Variants in GFRAL observed in about 807,000 individuals in gnomAD.
GFRAL encodes the protein GDNF family receptor alpha-like.
Under a neutral mutation model 45.4 loss-of-function variants are expected in GFRAL, and 36 were observed. That is an observed-to-expected ratio of 0.79 (90% CI 0.61 to 1.05). The LOEUF (loss-of-function observed/expected upper bound fraction) is 1.05, where lower values mean the gene tolerates loss of function less well. GFRAL is among the 50% of genes least tolerant of loss of function. GFRAL has a pLI of 0.00. For synonymous variants in GFRAL, 166 were observed against 154.1 expected (o/e 1.08, Z -0.57); for missense variants, 507 against 467.5 (o/e 1.08, Z -0.78).
At chr6:55,388,384 C>T (rs1238614041) in intron 6 of GFRAL, among the ~76,000 whole-genome samples, 2 of 152,292 alleles carry the variant, frequency 1.3e-5, no homozygotes, top group Non-Finnish European at 2.9e-5. Context: ...TGATACACTG[C>T]TGTGCGTCAC....
At chr6:55,394,415 G>A (rs1286828560) in intron 6 of GFRAL, among the ~76,000 whole-genome samples, 1 of 152,232 alleles carries the variant, frequency 6.6e-6, no homozygotes, top group African/African-American at 2.4e-5. Context: ...GTTGAAGACA[G>A]CAGAAGAAGC....
chr6:55,377,422 G>A lies in GFRAL; in HGVS notation c.952+18284G>A, dbSNP rs182593230. 1.1e-3 allele frequency among the ~76,000 whole-genome samples: 172 copies of A among 152,110 alleles called. 2 individuals are homozygous for A. Among genetic ancestry groups the A allele is most frequent in the African/African-American group, 4.0e-3 (167 of 41,532 alleles). On this transcript the variant is annotated intron_variant, in intron 6 of 8. Transcript: ENST00000340465. ...GGTGGGATGGGTTGAGTGAGTTAGA[G>A]GAATTTAGGTGTTATACAGCTATTT... is the stretch of plus-strand genomic sequence containing the variant.
intron 5 of GFRAL, among the ~76,000 whole-genome samples, chr6:55,357,040 T>C: frequency 6.6e-6 from 1 of 151,912 alleles, no homozygotes; most frequent in Non-Finnish European, 1.5e-5. Flanking sequence ...TTTTATTCCA[T>C]TGTCATCAGA....
intron 6 of GFRAL, among the ~76,000 whole-genome samples, chr6:55,384,671 G>A (rs1768656587): frequency 6.6e-6 from 1 of 152,056 alleles, no homozygotes; most frequent in South Asian, 2.1e-4. Context: ...GGAGAGATCA[G>A]CTGGATAAGG....
chr6:55,358,917 G>A lies in GFRAL; in HGVS notation c.731G>A (p.Cys244Tyr), dbSNP rs758768423. ...CACTATAGAACATTTCAGTCAAAAT[G>A]CTGGCAGCGTGTGACTAGAAAGTGC... ...RRHYRTFQSK[C>Y]WQRVTRKCHE... The change falls in exon 6 of 9, where the codon TGC becomes TAC. Residue 244 changes from cysteine (C) to tyrosine (Y), a missense_variant. Transcript: ENST00000340465. 8 of 1,612,412 alleles carry A rather than the reference G, an allele frequency of 5.0e-6. No individual in the cohort carries two copies. Among genetic ancestry groups the A allele is most frequent in the Non-Finnish European group, 6.8e-6 (8 of 1,178,846 alleles).
chr6:55,371,812 A>T (rs1479637176), intron 6 of GFRAL, among the ~76,000 whole-genome samples: 1 of 152,238 alleles, frequency 6.6e-6, no homozygotes, highest in Non-Finnish European at 1.5e-5. Context: ...TCATTTAAAC[A>T]CATTCAAGAA....
At chr6:55,370,169 T>A (rs1768432344) in intron 6 of GFRAL, among the ~76,000 whole-genome samples, 1 of 151,966 alleles carries the variant, frequency 6.6e-6, no homozygotes, top group South Asian at 2.1e-4. Context: ...AATATAATTA[T>A]GAAAAATAAT....
At chr6:55,334,053 T>A (rs1450637828) in intron 3 of GFRAL, 109 bp downstream of exon 3, 1 of 741,508 alleles carries the variant, frequency 1.3e-6, no homozygotes, top group Non-Finnish European at 2.1e-6. Flanking sequence ...TTTGATTAAT[T>A]CTTTTCAAAG....
chr6:55,366,289 C>A (rs1768362174), intron 6 of GFRAL, among the ~76,000 whole-genome samples: 1 of 151,734 alleles, frequency 6.6e-6, no homozygotes, highest in Non-Finnish European at 1.5e-5. Flanking sequence ...TAGTGACATC[C>A]CCTTTATCAT....
In GFRAL at chr6:55,358,981, G is replaced by A. The variant is rs923552984; in HGVS notation, c.795G>A (p.Gln265=). 1.9e-6 allele frequency: 3 copies of A among 1,613,004 alleles called. No homozygotes were observed. The highest frequency in any genetic ancestry group is 1.7e-5 in the Admixed American group (1 of 59,836). The change falls in exon 6 of 9, where the codon CAG becomes CAA. Residue 265 remains glutamine (Q), a synonymous_variant. Coordinates refer to ENST00000340465, the MANE Select transcript of GFRAL (RefSeq NM_207410.2). ...ATTGCATTAGCACCTTAAGCAAACAGGACCTCACTTGTTCAGGAAGTGATG... is the reference window on the plus strand; with the variant it reads ...ATTGCATTAGCACCTTAAGCAAACAAGACCTCACTTGTTCAGGAAGTGATG... ...DENCISTLSK[Q]DLTCSGSDDC... is the part of the protein sequence containing the mutation.
At chr6:55,397,984 CTG>C (rs1450414131) in intron 6 of GFRAL, among the ~76,000 whole-genome samples, 1 of 152,174 alleles carries the variant, frequency 6.6e-6, no homozygotes. Context: ...ATAGCACACA[CTG>C]TGCATGTTTG....
chr6:55,371,266 A>T (rs964204657), intron 6 of GFRAL, among the ~76,000 whole-genome samples: 2 of 152,232 alleles, frequency 1.3e-5, no homozygotes, highest in African/African-American at 4.8e-5. Flanking sequence ...TCATGGTTGA[A>T]CTATAGAAAT....
chr6:55,397,523 T>A (rs1581762956), intron 6 of GFRAL, among the ~76,000 whole-genome samples: 1 of 5,068 alleles, frequency 2.0e-4, no homozygotes, highest in Non-Finnish European at 5.9e-4. Context: ...AGACTCCGTC[T>A]CAAAAAAAAA....
At chr6:55,387,371 C>T (rs1768693467) in intron 6 of GFRAL, among the ~76,000 whole-genome samples, 1 of 152,172 alleles carries the variant, frequency 6.6e-6, no homozygotes, top group African/African-American at 2.4e-5. Flanking sequence ...AAACAAGCAG[C>T]CTTTCCTTTA....
At chr6:55,364,007 C>A (rs1454582320) in intron 6 of GFRAL, among the ~76,000 whole-genome samples, 1 of 145,020 alleles carries the variant, frequency 6.9e-6, no homozygotes, top group Non-Finnish European at 1.5e-5. Context: ...CCTGAGGAAT[C>A]GCCACACTGA....
intron 5 of GFRAL, among the ~76,000 whole-genome samples, chr6:55,352,583 A>T (rs1267912705): frequency 6.6e-6 from 1 of 152,090 alleles, no homozygotes; most frequent in African/African-American, 2.4e-5. Context: ...GTGGAAGAGT[A>T]TGCTTGTTTA....
At chr6:55,363,666 C>T (rs1442372701) in intron 6 of GFRAL, among the ~76,000 whole-genome samples, 1 of 145,996 alleles carries the variant, frequency 6.8e-6, no homozygotes. Context: ...CAATTCCCAC[C>T]TATGAGTGAG....
At chr6:55,366,838 G>A (rs1223762619) in intron 6 of GFRAL, among the ~76,000 whole-genome samples, 4 of 117,094 alleles carry the variant, frequency 3.4e-5, no homozygotes, top group Non-Finnish European at 5.2e-5. Flanking sequence ...TTTTACATTT[G>A]CTGAAGAGAG....
chr6:55,345,349 T>G (rs576480084), intron 3 of GFRAL, among the ~76,000 whole-genome samples: 64 of 152,144 alleles, frequency 4.2e-4, no homozygotes, highest in African/African-American at 1.5e-3. Flanking sequence ...AACAGAGATA[T>G]AGACTAATGG....
Sources: gnomAD v4.1 joint callset for allele counts (sites outside exome capture counted in the v4.1 genomes callset) on GRCh38, gnomAD v4.1.1 for gene constraint, MANE v1.5 for transcripts, NCBI Gene and HGNC (gene_info 2026-07-23, HGNC 2026-07-21) for gene names.